The following SAMD4A variants were observed in gnomAD, a reference collection of about 807,000 sequenced individuals.
SAMD4A encodes the protein protein Smaug homolog 1.
Under a neutral mutation model 81.3 loss-of-function variants are expected in SAMD4A, and 33 were observed. The observed-to-expected ratio is 0.41, with a 90% CI of 0.31 to 0.54. SAMD4A has a LOEUF of 0.54. SAMD4A is among the 20% of genes least tolerant of loss of function. The probability of loss-of-function intolerance (pLI) is 0.37; values close to 1 mark genes in which losing one functional copy is unlikely to be tolerated. For synonymous variants in SAMD4A, 389 were observed against 382.1 expected (o/e 1.02, Z -0.21); for missense variants, 854 against 951.1 (o/e 0.90, Z 1.34).
chr14:54,625,650 G>A (rs986944324), intron 2 of SAMD4A, among the ~76,000 whole-genome samples: 1 of 152,190 alleles, frequency 6.6e-6, no homozygotes. Flanking sequence ...CTCAGAGAAA[G>A]GGCCACATAG....
At chr14:54,672,243 T>C (rs140546786) in intron 2 of SAMD4A, among the ~76,000 whole-genome samples, 1,717 of 151,986 alleles carry the variant, frequency 0.011, 37 homozygotes, top group African/African-American at 0.039. Flanking sequence ...TGTGTTTTTT[T>C]CCCTCTTTTA....
In SAMD4A at chr14:54,789,203, A is replaced by G; in HGVS notation, c.*259A>G. Reference sequence around the variant, plus strand: ...GGTGGGGAGGGGTCTCTAGGGAATTATGAGACTGGGAGGGGGGTGGAGGGA... The same window carrying G: ...GGTGGGGAGGGGTCTCTAGGGAATTGTGAGACTGGGAGGGGGGTGGAGGGA... On this transcript the variant is annotated 3_prime_UTR_variant, in exon 13 of 13. Coordinates refer to ENST00000554335, the MANE Select transcript of SAMD4A (RefSeq NM_015589.6). 2.8e-6 allele frequency: 1 copy of G among 361,564 alleles called. No individual in the cohort carries two copies. Among genetic ancestry groups the G allele is most frequent in the Non-Finnish European group, 5.3e-6 (1 of 187,958 alleles). 22.4% of individuals were successfully genotyped at this position (361,564 alleles called of 1,614,324 possible).
intron 2 of SAMD4A, among the ~76,000 whole-genome samples, chr14:54,638,536 G>A (rs2035091614): frequency 6.6e-6 from 1 of 152,218 alleles, no homozygotes; most frequent in African/African-American, 2.4e-5. Flanking sequence ...TAAATTATCA[G>A]AGGCTGTTTG....
intron 2 of SAMD4A, among the ~76,000 whole-genome samples, chr14:54,689,091 C>T (rs1487865872): frequency 6.6e-6 from 1 of 152,044 alleles, no homozygotes; most frequent in Non-Finnish European, 1.5e-5. Flanking sequence ...GCCACCATGC[C>T]TGGCTAATTT....
At chr14:54,722,357 T>C (rs2037282814) in intron 3 of SAMD4A, among the ~76,000 whole-genome samples, 1 of 152,206 alleles carries the variant, frequency 6.6e-6, no homozygotes, top group Non-Finnish European at 1.5e-5. Context: ...CAGTTGTTTA[T>C]TTGATGTCCT....
At chr14:54,657,353 T>G (rs2035542514) in intron 2 of SAMD4A, among the ~76,000 whole-genome samples, 1 of 152,236 alleles carries the variant, frequency 6.6e-6, no homozygotes, top group Admixed American at 6.5e-5. Flanking sequence ...AAAGCTCTAT[T>G]GCCTTCCCAT....
Position 54,702,410 on chromosome 14 carries a change from A to G in SAMD4A, c.545A>G (p.Asn182Ser). 6.2e-7 allele frequency: 1 copy of G among 1,614,076 alleles called. No homozygotes were observed. The highest frequency in any genetic ancestry group is 8.5e-7 in the Non-Finnish European group (1 of 1,179,986). ...GQTHYYHQRQNSDDKLNGWQN... is the reference protein window; with the variant it reads ...GQTHYYHQRQSSDDKLNGWQN... ...ACACACTACTATCACCAAAGACAGA[A>G]CTCTGATGACAAGCTCAATGGGTGG... The change falls in exon 3 of 13, where the codon AAC (asparagine) becomes AGC (serine). Residue 182 changes from asparagine (N) to serine (S), a missense_variant. By Grantham distance (46) the Asn-to-Ser change is conservative. Around this residue, in one of 3 missense-constraint regions of SAMD4A, gnomAD observed 387 missense variants for 405.8 expected, o/e 0.95. Coordinates refer to ENST00000554335, the MANE Select transcript of SAMD4A (RefSeq NM_015589.6).
chr14:54,587,436 T>C (rs2033653306), intron 2 of SAMD4A, among the ~76,000 whole-genome samples: 1 of 152,190 alleles, frequency 6.6e-6, no homozygotes, highest in South Asian at 2.1e-4. Context: ...CTTGTTTGAT[T>C]GCTCCAGCTG....
intron 2 of SAMD4A, among the ~76,000 whole-genome samples, chr14:54,575,978 A>G (rs1323907762): frequency 6.9e-6 from 1 of 144,098 alleles, no homozygotes; most frequent in Non-Finnish European, 1.5e-5. Flanking sequence ...ATGAGGCTCC[A>G]GGAAAGATTT....
intron 3 of SAMD4A, among the ~76,000 whole-genome samples, chr14:54,732,589 G>A (rs537553621): frequency 5.9e-5 from 9 of 152,210 alleles, no homozygotes; most frequent in South Asian, 2.1e-4. Context: ...TGCATTCAGC[G>A]TGTAAATTTA....
chr14:54,644,454 A>G (rs2035241975), intron 2 of SAMD4A, among the ~76,000 whole-genome samples: 1 of 152,230 alleles, frequency 6.6e-6, no homozygotes, highest in Non-Finnish European at 1.5e-5. Flanking sequence ...AAATTCGTTC[A>G]TTTCACCTTC....
At chr14:54,761,935 A>G (rs2038409515) in intron 7 of SAMD4A, among the ~76,000 whole-genome samples, 1 of 152,172 alleles carries the variant, frequency 6.6e-6, no homozygotes, top group South Asian at 2.1e-4. Flanking sequence ...AGTCTGCAGC[A>G]CAGACCACTT....
At chr14:54,775,237 G>C (rs1453407291) in intron 10 of SAMD4A, 102 bp downstream of exon 10, 9 of 1,311,444 alleles carry the variant, frequency 6.9e-6, no homozygotes, top group Non-Finnish European at 8.7e-6. Flanking sequence ...GGCCAAAGGG[G>C]ACTATGCTGG....
chr14:54,723,125 G>A (rs1462829166), intron 3 of SAMD4A, among the ~76,000 whole-genome samples: 1 of 151,926 alleles, frequency 6.6e-6, no homozygotes, highest in Non-Finnish European at 1.5e-5. Flanking sequence ...ACCCATCTAG[G>A]TGTTTCTCTT....
chr14:54,597,610 G>C (rs1302417975), intron 2 of SAMD4A, among the ~76,000 whole-genome samples: 1 of 96,360 alleles, frequency 1.0e-5, no homozygotes, highest in Non-Finnish European at 2.1e-5. Context: ...TTTTTTTTGA[G>C]ACAGAGTTTC....
chr14:54,745,249 ACT>A (rs1438618797), intron 4 of SAMD4A, among the ~76,000 whole-genome samples: 2 of 151,724 alleles, frequency 1.3e-5, no homozygotes. Flanking sequence ...GATGAAGTCG[ACT>A]CTCTTTGTTC....
intron 6 of SAMD4A, among the ~76,000 whole-genome samples, chr14:54,752,604 A>G (rs1251561113): frequency 6.6e-6 from 1 of 152,208 alleles, no homozygotes; most frequent in Non-Finnish European, 1.5e-5. Context: ...AATTTCGTAT[A>G]TGAAGGGGTG....
At chr14:54,724,015 A>AGGAAGGAG (rs2037340778) in intron 3 of SAMD4A, among the ~76,000 whole-genome samples, 1 of 141,340 alleles carries the variant, frequency 7.1e-6, no homozygotes, top group Non-Finnish European at 1.6e-5. Context: ...GATGGAAGGA[A>AGGAAGGAG]GGAAGGAAGG....
At chr14:54,644,642 C>T (rs1182630752) in intron 2 of SAMD4A, among the ~76,000 whole-genome samples, 1 of 152,102 alleles carries the variant, frequency 6.6e-6, no homozygotes, top group East Asian at 1.9e-4. Flanking sequence ...GCATGGCCCT[C>T]GGTAAGGGAA....
Sources: allele counts gnomAD v4.1 joint callset (sites outside exome capture counted in the v4.1 genomes callset), GRCh38; gene constraint gnomAD v4.1.1; regional missense constraint gnomAD v4.1.1; transcripts MANE v1.5; gene names NCBI Gene and HGNC (gene_info 2026-07-23, HGNC 2026-07-21).